SLC44A5: variants seen among roughly 807,000 people sequenced by gnomAD.
SLC44A5 encodes the protein choline transporter-like protein 5.
A neutral mutation model predicts 101.8 loss-of-function variants in SLC44A5; 57 were observed. The observed-to-expected ratio is 0.56, with a 90% CI of 0.45 to 0.70. SLC44A5 has a LOEUF of 0.70. Among genes scored for constraint, SLC44A5 ranks in the 30% least tolerant of loss-of-function variants. The pLI, the probability that SLC44A5 is intolerant of heterozygous loss-of-function variation, is 0.00. For missense variants in SLC44A5, 737 were observed against 853.1 expected, an observed-to-expected ratio of 0.86 and a Z score of 1.70; for synonymous variants, 281 against 290.9, an observed-to-expected ratio of 0.97 and a Z score of 0.35.
In SLC44A5 at chr1:75,607,084, CT is replaced by C. The variant is rs558687559; in HGVS notation, c.-70+3955del. ...CAAGACTCCAGACTTACATATCCAG[CT>C]TCCTACTTGTCATCTTCACTTGTAT... is the stretch of plus-strand genomic sequence containing the variant. On this transcript the variant is annotated intron_variant, in intron 1 of 23. Transcript: ENST00000370859. Among the ~76,000 whole-genome samples, 874 of 152,136 alleles carry C rather than the reference CT, an allele frequency of 5.7e-3. 7 individuals are homozygous for C. The highest frequency in any genetic ancestry group is 0.02 in the African/African-American group (833 of 41,552).
At chr1:75,327,888 T>C (rs935389822) in intron 4 of SLC44A5, among the ~76,000 whole-genome samples, 36 of 152,368 alleles carry the variant, frequency 2.4e-4, no homozygotes, top group Non-Finnish European at 4.6e-4. Context: ...TGATAAGCTC[T>C]TTCTTTGCCC....
intron 1 of SLC44A5, among the ~76,000 whole-genome samples, chr1:75,564,432 T>A (rs1672677050): frequency 1.5e-5 from 1 of 66,334 alleles, no homozygotes; most frequent in Admixed American, 2.1e-4. Flanking sequence ...CCAAAAGGAT[T>A]TTTTTTGCAA....
intron 2 of SLC44A5, among the ~76,000 whole-genome samples, chr1:75,537,031 A>T (rs201517349): frequency 0.13 from 1,892 of 15,106 alleles, 217 homozygotes; most frequent in East Asian, 0.4. Flanking sequence ...AAAAAAAAAA[A>T]AAATATATAT....
At chr1:75,370,036 A>G (rs893573550) in intron 3 of SLC44A5, among the ~76,000 whole-genome samples, 2 of 152,254 alleles carry the variant, frequency 1.3e-5, no homozygotes, top group African/African-American at 2.4e-5. Context: ...TGAATAGGTT[A>G]GGCTTTTACA....
intron 3 of SLC44A5, among the ~76,000 whole-genome samples, chr1:75,386,131 C>A (rs981772130): frequency 1.3e-5 from 2 of 151,744 alleles, no homozygotes; most frequent in African/African-American, 2.4e-5. Context: ...TGGAAGCATT[C>A]CCTTTGAAAA....
At chr1:75,708,980 C>T in the SLC44A5 span, among the ~76,000 whole-genome samples, 1 of 152,238 alleles carries the variant, frequency 6.6e-6, no homozygotes, top group African/African-American at 2.4e-5. Flanking sequence ...GTCCCACTCT[C>T]CTCCTTGTTC....
chr1:75,447,902 A>C (rs1665680131), intron 2 of SLC44A5, among the ~76,000 whole-genome samples: 1 of 152,190 alleles, frequency 6.6e-6, no homozygotes, highest in African/African-American at 2.4e-5. Context: ...CAGTTAGATA[A>C]AATTATAATT....
At chr1:75,280,134 A>G (rs1349244701) in intron 5 of SLC44A5, among the ~76,000 whole-genome samples, 5 of 93,232 alleles carry the variant, frequency 5.4e-5, no homozygotes, top group South Asian at 3.4e-4. Context: ...GTGTGTGTGT[A>G]TATATATATA....
intron 4 of SLC44A5, among the ~76,000 whole-genome samples, chr1:75,304,735 G>C (rs1454000622): frequency 6.6e-6 from 1 of 152,112 alleles, no homozygotes; most frequent in Non-Finnish European, 1.5e-5. Flanking sequence ...CTAGCTACAG[G>C]CTTGTCATAA....
chr1:75,318,942 C>A (rs180724580), intron 4 of SLC44A5, among the ~76,000 whole-genome samples: 3 of 152,024 alleles, frequency 2.0e-5, no homozygotes, highest in East Asian at 1.9e-4. Flanking sequence ...CACTCCCAAC[C>A]CCCCCTGCCA....
chr1:75,305,899 T>G (rs2100890245), intron 4 of SLC44A5, among the ~76,000 whole-genome samples: 1 of 152,372 alleles, frequency 6.6e-6, no homozygotes, highest in Admixed American at 6.5e-5. Flanking sequence ...AACTTTTGTT[T>G]GTATCTTTAA....
chr1:75,664,412 T>C, the SLC44A5 span, among the ~76,000 whole-genome samples: 2 of 152,132 alleles, frequency 1.3e-5, no homozygotes, highest in South Asian at 4.1e-4. Context: ...CCTAGAAAAC[T>C]CTAAAGACTA....
intron 3 of SLC44A5, among the ~76,000 whole-genome samples, chr1:75,361,338 G>C (rs888363821): frequency 5.9e-5 from 9 of 152,002 alleles, no homozygotes; most frequent in African/African-American, 1.7e-4. Context: ...AGGACTTCTA[G>C]AGTTATGTTG....
At chr1:75,664,062 G>A in the SLC44A5 span, among the ~76,000 whole-genome samples, 1 of 152,076 alleles carries the variant, frequency 6.6e-6, no homozygotes, top group South Asian at 2.1e-4. Context: ...AAAAATATCT[G>A]ATTATTTCAA....
At chr1:75,230,075 T>C (rs1480113639) in intron 12 of SLC44A5, among the ~76,000 whole-genome samples, 1 of 152,234 alleles carries the variant, frequency 6.6e-6, no homozygotes, top group East Asian at 1.9e-4. Context: ...CATATTTCAG[T>C]TCATTAATTC....
the SLC44A5 span, among the ~76,000 whole-genome samples, chr1:75,654,943 GC>G: frequency 6.6e-6 from 1 of 151,912 alleles, no homozygotes; most frequent in Non-Finnish European, 1.5e-5. Flanking sequence ...TTTCCTATAA[GC>G]CCCTTTGAGC....
At chr1:75,446,455 C>T (rs1447047887) in intron 2 of SLC44A5, among the ~76,000 whole-genome samples, 1 of 152,184 alleles carries the variant, frequency 6.6e-6, no homozygotes, top group Non-Finnish European at 1.5e-5. Context: ...AATATCACCT[C>T]TTCGAGCTTA....
At chr1:75,489,202 G>T (rs1003483665) in intron 2 of SLC44A5, among the ~76,000 whole-genome samples, 1 of 151,974 alleles carries the variant, frequency 6.6e-6, no homozygotes, top group Non-Finnish European at 1.5e-5. Flanking sequence ...CTAAAAATAA[G>T]CCCAGAATTT....
the SLC44A5 span, among the ~76,000 whole-genome samples, chr1:75,621,465 AAATGT>A: frequency 5.9e-5 from 9 of 152,304 alleles, no homozygotes; most frequent in South Asian, 1.7e-3. Flanking sequence ...ACAAAAATGA[AAATGT>A]AATTCATAGT....
Sources: allele counts gnomAD v4.1 joint callset (sites outside exome capture counted in the v4.1 genomes callset), GRCh38; gene constraint gnomAD v4.1.1; transcripts MANE v1.5; gene names NCBI Gene and HGNC (gene_info 2026-07-23, HGNC 2026-07-21).